The following SLC8A1 variants were observed in gnomAD, a reference collection of about 807,000 sequenced individuals.
SLC8A1 encodes the protein sodium/calcium exchanger 1.
SLC8A1 carries 18 observed loss-of-function variants against 68.3 expected under a neutral mutation model. The ratio of observed to expected loss-of-function variants is 0.26; its 90% CI spans 0.18 to 0.39. SLC8A1 has a LOEUF of 0.39. Among genes scored for constraint, SLC8A1 ranks in the 10% least tolerant of loss-of-function variants. The pLI is 1.00. For missense variants in SLC8A1, 985 were observed against 1,156.7 expected (o/e 0.85, Z 2.15); for synonymous variants, 475 against 415.5 (o/e 1.14, Z -1.74).
chr2:40,398,398 G>A (rs139367184), intron 2 of SLC8A1, among the ~76,000 whole-genome samples: 1 of 152,218 alleles, frequency 6.6e-6, no homozygotes, highest in Non-Finnish European at 1.5e-5. Flanking sequence ...GTTATTGGTG[G>A]TATATTTGTT....
chr2:40,405,612 G>C (rs1404188207), intron 2 of SLC8A1, among the ~76,000 whole-genome samples: 3 of 152,288 alleles, frequency 2.0e-5, no homozygotes, highest in African/African-American at 7.2e-5. Context: ...TTACTTGCAT[G>C]GTGGTTTATG....
chr2:40,383,869 G>A (rs139072164), intron 2 of SLC8A1, among the ~76,000 whole-genome samples: 1 of 152,078 alleles, frequency 6.6e-6, no homozygotes, highest in South Asian at 2.1e-4. Flanking sequence ...AAATTTTAGA[G>A]ATACAATGTA....
chr2:40,258,102 T>C (rs1338889332), intron 2 of SLC8A1, among the ~76,000 whole-genome samples: 1 of 152,176 alleles, frequency 6.6e-6, no homozygotes, highest in African/African-American at 2.4e-5. Flanking sequence ...TATTATCCCC[T>C]GCACAGGCCT....
At chr2:40,473,401 T>C (rs1704106927) in intron 1 of SLC8A1, among the ~76,000 whole-genome samples, 1 of 152,124 alleles carries the variant, frequency 6.6e-6, no homozygotes, top group Admixed American at 6.5e-5. Flanking sequence ...CATCTCCTCC[T>C]CTCCATCTCA....
At chr2:40,495,182 A>G (rs1016767155) in intron 1 of SLC8A1, among the ~76,000 whole-genome samples, 10 of 152,084 alleles carry the variant, frequency 6.6e-5, no homozygotes, top group Admixed American at 1.3e-4. Context: ...AACAAAAATC[A>G]TTATGAATAT....
At chr2:40,264,003 GA>G (rs951652789) in intron 2 of SLC8A1, among the ~76,000 whole-genome samples, 3 of 151,964 alleles carry the variant, frequency 2.0e-5, no homozygotes, top group South Asian at 2.1e-4. Context: ...AAATTTACAA[GA>G]AAAAAACAAA....
At chr2:40,421,439 A>G (rs565759504) in intron 2 of SLC8A1, among the ~76,000 whole-genome samples, 1 of 152,306 alleles carries the variant, frequency 6.6e-6, no homozygotes, top group African/African-American at 2.4e-5. Context: ...TTCAAGGGTC[A>G]CCACAAGGCT....
intron 2 of SLC8A1, among the ~76,000 whole-genome samples, chr2:40,344,225 A>G (rs1668547847): frequency 6.6e-6 from 1 of 152,184 alleles, no homozygotes; most frequent in South Asian, 2.1e-4. Flanking sequence ...CAAAGTATCT[A>G]AGTTAACTCC....
intron 1 of SLC8A1, among the ~76,000 whole-genome samples, chr2:40,498,415 G>C (rs901653975): frequency 1.3e-5 from 2 of 152,138 alleles, no homozygotes; most frequent in East Asian, 3.9e-4. Context: ...GGACTCTAGA[G>C]GTTGAAATAG....
intron 2 of SLC8A1, among the ~76,000 whole-genome samples, chr2:40,344,260 G>C (rs1668558651): frequency 6.6e-6 from 1 of 152,202 alleles, no homozygotes; most frequent in Non-Finnish European, 1.5e-5. Flanking sequence ...ATGCAAAGGA[G>C]GAGGCTCTGC....
At chr2:40,229,484 CTCTCT>C in intron 2 of SLC8A1, among the ~76,000 whole-genome samples, 1 of 152,180 alleles carries the variant, frequency 6.6e-6, no homozygotes, top group East Asian at 1.9e-4. Context: ...TTGCATTAAA[CTCTCT>C]TCTGTGTTAT....
intron 2 of SLC8A1, among the ~76,000 whole-genome samples, chr2:40,419,032 A>G (rs968414914): frequency 6.6e-6 from 1 of 152,236 alleles, no homozygotes; most frequent in African/African-American, 2.4e-5. Flanking sequence ...GTGACTAAAC[A>G]TACACACTGT....
chr2:40,481,520 T>C (rs1704626535), intron 1 of SLC8A1, among the ~76,000 whole-genome samples: 3 of 152,216 alleles, frequency 2.0e-5, no homozygotes, highest in African/African-American at 7.2e-5. Flanking sequence ...ATTTTTTAGC[T>C]TCTAGTAGGA....
At chr2:40,353,961 C>T (rs1445105074) in intron 2 of SLC8A1, among the ~76,000 whole-genome samples, 1 of 152,206 alleles carries the variant, frequency 6.6e-6, no homozygotes, top group Non-Finnish European at 1.5e-5. Context: ...CTACAAGGCA[C>T]ACAGTAAGTG....
rs532867338 is a variant in SLC8A1 at position 40,394,275 on chromosome 2, G to A, written c.1808+34198C>T. The stretch of plus-strand genomic sequence containing the variant: ...AAACACCTGCATTTTGTGGGGTGGG[G>A]GGTGAATACAGCCATTCTAGGGAGA... On this transcript the variant is annotated intron_variant, in intron 2 of 7. Transcript: ENST00000406785. 2.0e-5 allele frequency among the ~76,000 whole-genome samples: 3 copies of A among 152,204 alleles called. No homozygotes were observed. The South Asian group carries it at 6.2e-4, about 32-fold the overall frequency.
At chr2:40,250,281 A>C (rs1165121976) in intron 2 of SLC8A1, 1 of 152,230 alleles carries the variant, frequency 6.6e-6, no homozygotes, top group Non-Finnish European at 1.5e-5. Context: ...CAAATTACTT[A>C]ACATGTTTGA....
At chr2:40,485,819 T>C (rs1447545838) in intron 1 of SLC8A1, among the ~76,000 whole-genome samples, 1 of 152,202 alleles carries the variant, frequency 6.6e-6, no homozygotes, top group Non-Finnish European at 1.5e-5. Context: ...AGCATTTTTT[T>C]TGGCAGTGCT....
intron 7 of SLC8A1, among the ~76,000 whole-genome samples, chr2:40,125,709 ATCTT>A (rs947547290): frequency 6.6e-6 from 1 of 152,092 alleles, no homozygotes; most frequent in African/African-American, 2.4e-5. Context: ...TGTAATGCCC[ATCTT>A]TCTTGGGCTC....
chr2:40,300,475 T>A (rs926178480), intron 2 of SLC8A1, among the ~76,000 whole-genome samples: 2 of 152,192 alleles, frequency 1.3e-5, no homozygotes, highest in African/African-American at 4.8e-5. Flanking sequence ...CATTTCTTAT[T>A]TGTTTCGTAG....
Sources: gnomAD v4.1 joint callset for allele counts (sites outside exome capture counted in the v4.1 genomes callset) on GRCh38, gnomAD v4.1.1 for gene constraint, MANE v1.5 for transcripts, NCBI Gene and HGNC (gene_info 2026-07-23, HGNC 2026-07-21) for gene names.